MRPS27: variants seen among roughly 807,000 people sequenced by gnomAD.
MRPS27 encodes mitochondrial ribosomal protein S27, also known as small ribosomal subunit protein mS27.
In MRPS27, 43 loss-of-function variants were observed where a neutral mutation model predicts 48.9. That is an observed-to-expected ratio of 0.88 (90% CI 0.69 to 1.13). The LOEUF (loss-of-function observed/expected upper bound fraction) is 1.13, where lower values mean the gene tolerates loss of function less well. Among genes scored for constraint, MRPS27 ranks in the 50% most tolerant of loss-of-function variants. The probability of loss-of-function intolerance (pLI) is 0.00; values close to 1 mark genes in which losing one functional copy is unlikely to be tolerated. For missense variants in MRPS27, 467 were observed against 476.3 expected (o/e 0.98, Z 0.18); for synonymous variants, 188 against 171.9 (o/e 1.09, Z -0.73).
At chr5:72,315,953 G>A (rs560909839) in intron 1 of MRPS27, among the ~76,000 whole-genome samples, 3 of 152,216 alleles carry the variant, frequency 2.0e-5, no homozygotes, top group South Asian at 2.1e-4. Flanking sequence ...TATTCATAAC[G>A]GACAAAAAGT....
chr5:72,226,271 G>A, intron 8 of MRPS27, 72 bp from the exon 9 acceptor site: 1 of 1,568,604 alleles, frequency 6.4e-7, no homozygotes, highest in Non-Finnish European at 8.7e-7. Context: ...AGGACCTGAA[G>A]GCCCAAGTGA....
At chr5:72,294,098 TA>T (rs1749912706) in intron 4 of MRPS27, among the ~76,000 whole-genome samples, 1 of 151,942 alleles carries the variant, frequency 6.6e-6, no homozygotes, top group East Asian at 1.9e-4. Flanking sequence ...AGATTTAAAA[TA>T]AATGTTTTTT....
At chr5:72,233,457 A>G (rs1258016547) in intron 6 of MRPS27, among the ~76,000 whole-genome samples, 1 of 152,134 alleles carries the variant, frequency 6.6e-6, no homozygotes, top group Non-Finnish European at 1.5e-5. Context: ...AGCACAACAA[A>G]TGTTTTTTAC....
In MRPS27 at chr5:72,318,159, C is replaced by T. The variant is rs113476509; in HGVS notation, c.73+1990G>A. 1.3e-3 allele frequency among the ~76,000 whole-genome samples: 192 copies of T among 152,324 alleles called. 1 individual carries two copies. Among genetic ancestry groups the T allele is most frequent in the African/African-American group, 4.3e-3 (180 of 41,572 alleles). Reference sequence around the variant, plus strand: ...GCTGCTTTAAGTCATTTGTAGATTACTTATAATACCTAACACAATGTAAAC... The same window carrying T: ...GCTGCTTTAAGTCATTTGTAGATTATTTATAATACCTAACACAATGTAAAC... On this transcript the variant is annotated intron_variant, in intron 1 of 10. Coordinates refer to ENST00000261413, the MANE Select transcript of MRPS27 (RefSeq NM_015084.3).
In MRPS27 at chr5:72,226,092, C is replaced by A. The variant is rs1375284510; in HGVS notation, c.802G>T (p.Ala268Ser). 1 of 1,613,742 alleles carries A rather than the reference C, an allele frequency of 6.2e-7. No individual in the cohort carries two copies. Among genetic ancestry groups the A allele is most frequent in the South Asian group, 1.1e-5 (1 of 91,060 alleles). The change falls in exon 9 of 11, where the codon GCC becomes TCC. Residue 268 changes from alanine (A) to serine (S), a missense_variant. Coordinates refer to ENST00000261413, the MANE Select transcript of MRPS27 (RefSeq NM_015084.3). Reference sequence around the variant, plus strand: ...CACAGCTTTATGTCTTCTGGGGAGGCAGCCACTTTCTCCATCACTTGAAGG... The same window carrying A: ...CACAGCTTTATGTCTTCTGGGGAGGAAGCCACTTTCTCCATCACTTGAAGG... ...RALQVMEKVAASPEDIKLCRE... is the reference protein window; with the variant it reads ...RALQVMEKVASSPEDIKLCRE...
chr5:72,272,427 T>C (rs1749272762), intron 4 of MRPS27, among the ~76,000 whole-genome samples: 1 of 152,336 alleles, frequency 6.6e-6, no homozygotes, highest in Middle Eastern at 3.4e-3. Context: ...TATGGAATTT[T>C]GTTATGTGCT....
chr5:72,263,868 T>G (rs570136802), intron 4 of MRPS27, among the ~76,000 whole-genome samples: 2 of 152,220 alleles, frequency 1.3e-5, no homozygotes, highest in South Asian at 4.1e-4. Flanking sequence ...ACAGAATTAC[T>G]GTAGGACCCA....
chr5:72,262,977 T>C (rs1236702250), intron 4 of MRPS27, among the ~76,000 whole-genome samples: 1 of 152,054 alleles, frequency 6.6e-6, no homozygotes, highest in Non-Finnish European at 1.5e-5. Context: ...ATCCTGTAAG[T>C]ACTGAATGGA....
intron 4 of MRPS27, among the ~76,000 whole-genome samples, chr5:72,260,519 C>A (rs1444960847): frequency 6.6e-6 from 1 of 152,190 alleles, no homozygotes; most frequent in African/African-American, 2.4e-5. Context: ...TCAAACAAAG[C>A]TACACTTAAA....
intron 4 of MRPS27, among the ~76,000 whole-genome samples, chr5:72,282,579 T>G (rs1186041905): frequency 6.6e-6 from 1 of 152,194 alleles, no homozygotes; most frequent in Non-Finnish European, 1.5e-5. Flanking sequence ...CATATTCTTA[T>G]GTGAAATTTT....
chr5:72,317,745 T>C (rs1750600746), intron 1 of MRPS27, among the ~76,000 whole-genome samples: 1 of 152,154 alleles, frequency 6.6e-6, no homozygotes. Flanking sequence ...TGGAGTGTAG[T>C]GGCATGATCT....
intron 6 of MRPS27, 134 bp from the exon 7 acceptor site, chr5:72,232,692 G>C: frequency 1.6e-6 from 1 of 617,320 alleles, no homozygotes; most frequent in Non-Finnish European, 2.8e-6. Flanking sequence ...TAAAATATGC[G>C]GGCTTAGGCT....
At chr5:72,285,539 A>G (rs1337390917) in intron 4 of MRPS27, among the ~76,000 whole-genome samples, 2 of 152,144 alleles carry the variant, frequency 1.3e-5, no homozygotes, top group African/African-American at 2.4e-5. Context: ...GTCTTGCTCT[A>G]GTACTCAGGC....
intron 7 of MRPS27, among the ~76,000 whole-genome samples, chr5:72,229,992 C>T (rs1748010514): frequency 6.6e-6 from 1 of 152,098 alleles, no homozygotes; most frequent in Non-Finnish European, 1.5e-5. Flanking sequence ...ATCAAGGGAT[C>T]CTCCCAACTC....
rs750355347 is a variant in MRPS27, at chr5:72,228,371, G to A, written c.592-3C>T. On this transcript the variant is annotated splice_region_variant and splice_polypyrimidine_tract_variant and intron_variant, in intron 7 of 10. Transcript: ENST00000261413. ...CCAAAGTTCCTCTCCTCTTCCCACT[G>A]CAACAGAATATACTGGATCATGATC... 2 of 1,599,704 alleles carry A rather than the reference G, an allele frequency of 1.3e-6. No individual in the cohort carries two copies. Among genetic ancestry groups the A allele is most frequent in the Non-Finnish European group, 1.7e-6 (2 of 1,168,006 alleles).
At chr5:72,284,471 T>C (rs969469283) in intron 4 of MRPS27, among the ~76,000 whole-genome samples, 43 of 149,856 alleles carry the variant, frequency 2.9e-4, no homozygotes, top group African/African-American at 1.1e-3. Flanking sequence ...TCTGTGTGTG[T>C]GTGTGAGAGA....
At chr5:72,262,314 GTGCTGC>G (rs921550519) in intron 4 of MRPS27, among the ~76,000 whole-genome samples, 2 of 151,998 alleles carry the variant, frequency 1.3e-5, no homozygotes, top group East Asian at 1.9e-4. Flanking sequence ...TCAACGAAAG[GTGCTGC>G]TGCTGCTGCT....
chr5:72,294,675 G>A (rs1749930618), intron 4 of MRPS27: 1 of 152,094 alleles, frequency 6.6e-6, no homozygotes, highest in Non-Finnish European at 1.5e-5. Context: ...GTTCACAATG[G>A]AATTGTTAGC....
At chr5:72,258,747 C>T (rs909535997) in intron 4 of MRPS27, among the ~76,000 whole-genome samples, 2 of 152,150 alleles carry the variant, frequency 1.3e-5, no homozygotes, top group African/African-American at 4.8e-5. Context: ...TTTTGGACTT[C>T]CCAGCCTCCA....
Sources: allele counts gnomAD v4.1 joint callset (sites outside exome capture counted in the v4.1 genomes callset), GRCh38; gene constraint gnomAD v4.1.1; transcripts MANE v1.5; gene names NCBI Gene and HGNC (gene_info 2026-07-23, HGNC 2026-07-21).